Variants in RNF138 observed in about 807,000 individuals in gnomAD.
RNF138 encodes E3 ubiquitin-protein ligase RNF138.
RNF138 carries 12 observed loss-of-function variants against 31.0 expected under a neutral mutation model. That is an observed-to-expected ratio of 0.39 (90% confidence interval 0.25 to 0.63). RNF138 has a LOEUF of 0.63. Among genes scored for constraint, RNF138 ranks in the 20% least tolerant of loss-of-function variants. The probability of loss-of-function intolerance (pLI) is 0.52; values close to 1 mark genes in which losing one functional copy is unlikely to be tolerated. For synonymous variants in RNF138, 105 were observed against 99.5 expected (o/e 1.06, Z -0.33); for missense variants, 192 against 300.1 (o/e 0.64, Z 2.66).
intron 2 of RNF138, among the ~76,000 whole-genome samples, chr18:32,103,295 T>A (rs2039972958): frequency 6.6e-6 from 1 of 152,022 alleles, no homozygotes; most frequent in African/African-American, 2.4e-5. Context: ...GTTAAGGAAT[T>A]CTACTGCCTC....
chr18:32,092,985 GC>G, intron 2 of RNF138, 99 bp downstream of exon 2: 1 of 575,912 alleles, frequency 1.7e-6, no homozygotes, highest in African/African-American at 2.0e-5. Context: ...AACCGAGCCC[GC>G]CGCGGCCTGC....
At chr18:32,118,534 A>T (rs2040252333) in intron 4 of RNF138, among the ~76,000 whole-genome samples, 1 of 141,328 alleles carries the variant, frequency 7.1e-6, no homozygotes, top group East Asian at 2.2e-4. Context: ...ACTCTTTCTC[A>T]AAAAATAATA....
At chr18:32,115,134 G>A (rs910454956) in intron 4 of RNF138, among the ~76,000 whole-genome samples, 1 of 152,056 alleles carries the variant, frequency 6.6e-6, no homozygotes, top group African/African-American at 2.4e-5. Flanking sequence ...TGAGGGGATG[G>A]TGTTTGTCTT....
intron 2 of RNF138, 108 bp downstream of exon 2, chr18:32,092,994 T>C (rs1171244522): frequency 1.8e-6 from 1 of 549,850 alleles, no homozygotes; most frequent in African/African-American, 2.0e-5. Flanking sequence ...CGCCGCGGCC[T>C]GCCCGAGCGT....
chr18:32,092,610 G>A, intron 1 of RNF138, 90 bp from the exon 2 acceptor site: 1 of 598,004 alleles, frequency 1.7e-6, no homozygotes, highest in Non-Finnish European at 3.0e-6. Flanking sequence ...GCGTCTCTGC[G>A]TTCGGCCCCG....
intron 2 of RNF138, among the ~76,000 whole-genome samples, chr18:32,109,157 C>CTTT (rs200179767): frequency 7.0e-6 from 1 of 143,196 alleles, no homozygotes; most frequent in Non-Finnish European, 1.5e-5. Flanking sequence ...CTTTTTCTTT[C>CTTT]TTTTTTTTTT....
intron 4 of RNF138, among the ~76,000 whole-genome samples, chr18:32,119,322 ACT>A (rs2144267606): frequency 6.6e-6 from 1 of 152,092 alleles, no homozygotes; most frequent in Admixed American, 6.5e-5. Flanking sequence ...CCCGTCTCAA[ACT>A]CTGGGGATCA....
chr18:32,099,256 T>C (rs1476887482), intron 2 of RNF138, among the ~76,000 whole-genome samples: 3 of 152,212 alleles, frequency 2.0e-5, no homozygotes, highest in African/African-American at 4.8e-5. Context: ...TTCCTACTTC[T>C]GCTTTGTTTT....
chr18:32,129,028 G>A (rs1449437730), intron 7 of RNF138, 91 bp from the exon 8 acceptor site: 1 of 800,970 alleles, frequency 1.2e-6, no homozygotes. Flanking sequence ...GTCAAGATGT[G>A]TAATGTGTAT....
chr18:32,129,241 A>C lies in RNF138; in HGVS notation c.*54A>C. The C allele has an allele frequency of 8.7e-7, 1 of 1,146,092 alleles. No homozygotes were observed. The highest frequency in any genetic ancestry group is 1.3e-6 in the Non-Finnish European group (1 of 757,330). 71.0% of individuals were successfully genotyped at this position (1,146,092 alleles called of 1,614,324 possible). ...CCTGCAAGTGCCATCTTTAAGGGGG[A>C]AACTACATGAAGTCACCGTTACAGT... On this transcript the variant is annotated 3_prime_UTR_variant, in exon 8 of 8. Coordinates refer to ENST00000261593, the MANE Select transcript of RNF138 (RefSeq NM_016271.5).
chr18:32,124,655 G>A (rs1389257754), intron 5 of RNF138, 79 bp from the exon 6 acceptor site: 1 of 738,552 alleles, frequency 1.4e-6, no homozygotes, highest in Non-Finnish European at 2.4e-6. Flanking sequence ...AAAATGTATA[G>A]TGATTCCTCA....
At chr18:32,092,546 C>A (rs560346766) in intron 1 of RNF138, 154 bp from the exon 2 acceptor site, 59 of 533,120 alleles carry the variant, frequency 1.1e-4, no homozygotes, top group Non-Finnish European at 4.4e-5. Context: ...CATCCAGCCC[C>A]CTGTGGGAGG....
intron 2 of RNF138, among the ~76,000 whole-genome samples, chr18:32,110,356 ACTATT>A: frequency 6.6e-6 from 1 of 152,278 alleles, no homozygotes; most frequent in South Asian, 2.1e-4. Context: ...GATATTAACT[ACTATT>A]TATTGAGCAC....
intron 2 of RNF138, among the ~76,000 whole-genome samples, chr18:32,109,267 C>A (rs1471401462): frequency 6.6e-6 from 1 of 151,968 alleles, no homozygotes; most frequent in African/African-American, 2.4e-5. Context: ...GATCCTCTCA[C>A]CTCAGCCTCC....
At chr18:32,117,422 A>G (rs183388126) in intron 4 of RNF138, among the ~76,000 whole-genome samples, 74 of 152,314 alleles carry the variant, frequency 4.9e-4, no homozygotes, top group African/African-American at 1.8e-3. Flanking sequence ...AGAGGAGGAA[A>G]TAGATAACAG....
chr18:32,129,409 G>A lies in RNF138; in HGVS notation c.*222G>A, dbSNP rs1189054262. On this transcript the variant is annotated 3_prime_UTR_variant, in exon 8 of 8. Transcript: ENST00000261593. ...TTAGCTTTAAAGGTGTAAAAAAGAT[G>A]TTTCACTAATGTAACGGTGAAAGAG... The A allele has an allele frequency of 9.4e-6, 4 of 427,002 alleles. No homozygotes were observed. The highest frequency in any genetic ancestry group is 1.7e-5 in the Non-Finnish European group (4 of 237,898). The allele number at this position is 427,002 out of a possible 1,614,324, so 26.5% of individuals were successfully genotyped here. A position where few individuals can be genotyped will look rare whatever the true frequency, so the allele number is the denominator to read the frequency against.
intron 2 of RNF138, 21 bp from the exon 3 acceptor site, chr18:32,111,733 G>T (rs114759061): frequency 8.8e-6 from 14 of 1,591,734 alleles, no homozygotes; most frequent in Admixed American, 3.6e-5. Flanking sequence ...TGTAATTAAT[G>T]TGTCACAATG....
chr18:32,098,627 C>T (rs565482911), intron 2 of RNF138, among the ~76,000 whole-genome samples: 6 of 151,988 alleles, frequency 3.9e-5, no homozygotes, highest in East Asian at 2.0e-4. Context: ...CCGAGGCAGG[C>T]GGATCACAAG....
rs573746870 is a variant in RNF138, at chr18:32,121,144, A to C, written c.393-2374A>C. On this transcript the variant is annotated intron_variant, in intron 4 of 7. Transcript: ENST00000261593. The stretch of plus-strand genomic sequence containing the variant: ...GAGTGAGACTGTCTCAAAAAAAAAC[A>C]AAACAAAAAAAAAGCAGATCCAAAT... Among the ~76,000 whole-genome samples, 226 of 28,342 alleles carry C rather than the reference A, an allele frequency of 8.0e-3. 1 individual carries two copies. The highest frequency in any genetic ancestry group is 0.021 in the African/African-American group (212 of 10,118). The allele number at this position is 28,342 out of a possible 152,430, so 18.6% of individuals were successfully genotyped here. A position where few individuals can be genotyped will look rare whatever the true frequency, so the allele number is the denominator to read the frequency against.
Sources: allele counts gnomAD v4.1 joint callset (sites outside exome capture counted in the v4.1 genomes callset), GRCh38; gene constraint gnomAD v4.1.1; transcripts MANE v1.5; gene names NCBI Gene and HGNC (gene_info 2026-07-23, HGNC 2026-07-21).